Variants in SLC25A48 observed in about 807,000 individuals in gnomAD.
The protein encoded by SLC25A48 is CTC-321K16.1.
SLC25A48 carries 29 observed loss-of-function variants against 32.2 expected under a neutral mutation model. The observed-to-expected ratio is 0.90, with a 90% CI of 0.67 to 1.23. The LOEUF is 1.23. Ranked by LOEUF, SLC25A48 falls within the 50% of genes most tolerant of loss-of-function variation. SLC25A48 has a pLI of 0.00. For missense variants in SLC25A48, 399 were observed against 422.7 expected (o/e 0.94, Z 0.49); for synonymous variants, 164 against 172.3 (o/e 0.95, Z 0.38).
intron 3 of SLC25A48, among the ~76,000 whole-genome samples, chr5:135,799,067 G>A (rs956486507): frequency 2.6e-5 from 4 of 151,538 alleles, no homozygotes; most frequent in Admixed American, 6.6e-5. Flanking sequence ...TCCCAATATC[G>A]CAAAGAATGT....
intron 1 of SLC25A48, among the ~76,000 whole-genome samples, chr5:135,613,738 A>G (rs1752126095): frequency 6.6e-6 from 1 of 152,204 alleles, no homozygotes; most frequent in Non-Finnish European, 1.5e-5. Context: ...TTTGTTGAAA[A>G]TCAGTTGACT....
intron 3 of SLC25A48, among the ~76,000 whole-genome samples, chr5:135,775,874 C>A (rs11750503): frequency 1.1e-4 from 17 of 151,048 alleles, no homozygotes; most frequent in African/African-American, 3.6e-4. Flanking sequence ...TTCTATTAAC[C>A]GGGGAGGGGG....
intron 3 of SLC25A48, among the ~76,000 whole-genome samples, chr5:135,735,655 C>A (rs553123243): frequency 6.6e-6 from 1 of 152,226 alleles, no homozygotes; most frequent in African/African-American, 2.4e-5. Flanking sequence ...TGCGCTAATG[C>A]CTTCCTGGAG....
chr5:135,732,106 G>A (rs1279441368), intron 3 of SLC25A48, among the ~76,000 whole-genome samples: 1 of 152,244 alleles, frequency 6.6e-6, no homozygotes, highest in African/African-American at 2.4e-5. Context: ...TTTTGAGAAG[G>A]GCAAGTGGTA....
intron 3 of SLC25A48, among the ~76,000 whole-genome samples, chr5:135,647,212 A>G (rs1039050613): frequency 6.6e-6 from 1 of 152,212 alleles, no homozygotes; most frequent in South Asian, 2.1e-4. Flanking sequence ...AAATCTCAGA[A>G]GCCAACACTG....
intron 3 of SLC25A48, among the ~76,000 whole-genome samples, chr5:135,718,999 T>C (rs1387535727): frequency 2.0e-5 from 3 of 152,038 alleles, no homozygotes; most frequent in African/African-American, 4.8e-5. Context: ...GGTTTGAAGA[T>C]CGGTGGATTG....
intron 3 of SLC25A48, among the ~76,000 whole-genome samples, chr5:135,713,434 C>T (rs371113628): frequency 6.6e-6 from 1 of 152,202 alleles, no homozygotes; most frequent in African/African-American, 2.4e-5. Context: ...TGAGGCCTCC[C>T]AGCAGCCCTG....
In SLC25A48 at chr5:135,888,086, G is replaced by T; in HGVS notation, c.*62G>T. ...CCTGGGCCTCATCTCTGCATGTGAA[G>T]CCCTGAGAGCTGCAGATGTTTGGCC... is the stretch of plus-strand genomic sequence containing the variant. On this transcript the variant is annotated 3_prime_UTR_variant, in exon 8 of 8. Coordinates refer to ENST00000681962, the MANE Select transcript of SLC25A48 (RefSeq NM_001349336.2). 1 of 1,551,546 alleles carries T rather than the reference G, an allele frequency of 6.4e-7. No individual in the cohort carries two copies. The highest frequency in any genetic ancestry group is 8.7e-7 in the Non-Finnish European group (1 of 1,146,796).
intron 4 of SLC25A48, among the ~76,000 whole-genome samples, chr5:135,866,182 C>T (rs1341943934): frequency 2.0e-5 from 3 of 152,274 alleles, no homozygotes; most frequent in African/African-American, 2.4e-5. Flanking sequence ...ATGCTGTGTT[C>T]CCTGTCCCAC....
intron 6 of SLC25A48, chr5:135,875,648 G>A (rs920785924): frequency 2.0e-5 from 3 of 152,274 alleles, no homozygotes; most frequent in African/African-American, 7.2e-5. Context: ...CACCTAGTAT[G>A]TGGTAGGCAC....
chr5:135,728,354 T>C (rs955324358), intron 3 of SLC25A48, among the ~76,000 whole-genome samples: 1 of 152,314 alleles, frequency 6.6e-6, no homozygotes, highest in Admixed American at 6.5e-5. Flanking sequence ...TAAAAACATC[T>C]GTAAATCTAT....
chr5:135,808,498 C>A (rs1367521228), intron 3 of SLC25A48, among the ~76,000 whole-genome samples: 1 of 152,048 alleles, frequency 6.6e-6, no homozygotes, highest in Non-Finnish European at 1.5e-5. Flanking sequence ...TTTACCATAA[C>A]CATTTAGTGC....
intron 4 of SLC25A48, among the ~76,000 whole-genome samples, chr5:135,857,875 T>A (rs1760463383): frequency 6.6e-6 from 1 of 152,028 alleles, no homozygotes; most frequent in Non-Finnish European, 1.5e-5. Flanking sequence ...AGATCTCTCA[T>A]CAGGGAAGTC....
chr5:135,657,130 G>A (rs1012279064), intron 3 of SLC25A48, among the ~76,000 whole-genome samples: 1 of 152,132 alleles, frequency 6.6e-6, no homozygotes, highest in South Asian at 2.1e-4. Context: ...TGTTGCAAAG[G>A]TGTTGCTGAG....
intron 4 of SLC25A48, among the ~76,000 whole-genome samples, chr5:135,860,039 C>A (rs1760659939): frequency 6.6e-6 from 1 of 152,128 alleles, no homozygotes; most frequent in East Asian, 1.9e-4. Flanking sequence ...GTTGACCTCT[C>A]ATTACTTTTA....
chr5:135,739,150 C>T (rs1755445289), intron 3 of SLC25A48, among the ~76,000 whole-genome samples: 1 of 151,978 alleles, frequency 6.6e-6, no homozygotes, highest in South Asian at 2.1e-4. Context: ...TAGGGTCTCA[C>T]TCTGTTGCCC....
At chr5:135,865,514 C>T (rs952895455) in intron 4 of SLC25A48, among the ~76,000 whole-genome samples, 7 of 152,162 alleles carry the variant, frequency 4.6e-5, no homozygotes, top group Non-Finnish European at 8.8e-5. Flanking sequence ...AAGCCTCTGA[C>T]CCAAGGATCA....
intron 6 of SLC25A48, chr5:135,874,942 A>G (rs576374755): frequency 2.4e-6 from 1 of 422,374 alleles, no homozygotes; most frequent in African/African-American, 2.1e-5. Flanking sequence ...GTGAGCTGGC[A>G]GGATCCAAGC....
intron 4 of SLC25A48, among the ~76,000 whole-genome samples, chr5:135,854,687 C>T (rs929012521): frequency 7.2e-5 from 11 of 152,196 alleles, no homozygotes; most frequent in African/African-American, 2.7e-4. Flanking sequence ...TTTCTTCATA[C>T]CAGCAATAAG....
Sources: allele counts gnomAD v4.1 joint callset (sites outside exome capture counted in the v4.1 genomes callset), GRCh38; gene constraint gnomAD v4.1.1; transcripts MANE v1.5; gene names NCBI Gene and HGNC (gene_info 2026-07-23, HGNC 2026-07-21).